The following ACTR3C variants were observed in gnomAD, a reference collection of about 807,000 sequenced individuals.
The protein encoded by ACTR3C is actin-related protein 3C.
ACTR3C carries 18 observed loss-of-function variants against 26.3 expected under a neutral mutation model. The ratio of observed to expected loss-of-function variants is 0.68; its 90% CI spans 0.47 to 1.01. ACTR3C has a LOEUF of 1.01. Among genes scored for constraint, ACTR3C ranks in the 50% least tolerant of loss-of-function variants. The pLI, the probability that ACTR3C is intolerant of heterozygous loss-of-function variation, is 0.00. For missense variants in ACTR3C, 184 were observed against 250.7 expected (o/e 0.73, Z 1.80); for synonymous variants, 55 against 94.5 (o/e 0.58, Z 2.42).
chr7:150,076,203 A>G, the ACTR3C span, among the ~76,000 whole-genome samples: 1 of 150,372 alleles, frequency 6.7e-6, no homozygotes, highest in Non-Finnish European at 1.5e-5. Flanking sequence ...TCCAATGAGT[A>G]TTGACATAAC....
At chr7:150,226,357 C>T in the ACTR3C span, among the ~76,000 whole-genome samples, 1 of 152,164 alleles carries the variant, frequency 6.6e-6, no homozygotes, top group African/African-American at 2.4e-5. Context: ...CCTCCCCAGT[C>T]GTTGGTATCT....
chr7:149,997,798 G>C, the ACTR3C span, among the ~76,000 whole-genome samples: 2 of 150,092 alleles, frequency 1.3e-5, no homozygotes, highest in South Asian at 4.3e-4. Flanking sequence ...AACAAATCCT[G>C]ATGTGATTGT....
At chr7:150,319,696 G>C (rs868171534) in intron 1 of ACTR3C, among the ~76,000 whole-genome samples, 9 of 152,270 alleles carry the variant, frequency 5.9e-5, no homozygotes, top group Middle Eastern at 3.4e-3. Context: ...CTCCAGTCTT[G>C]ACAATTACTC....
chr7:150,188,211 A>C, the ACTR3C span, among the ~76,000 whole-genome samples: 1 of 152,168 alleles, frequency 6.6e-6, no homozygotes, highest in Non-Finnish European at 1.5e-5. Context: ...GAAATAATAG[A>C]GTTTATAGCT....
chr7:150,320,977 T>G (rs1797452739), intron 1 of ACTR3C, among the ~76,000 whole-genome samples: 1 of 152,200 alleles, frequency 6.6e-6, no homozygotes, highest in Non-Finnish European at 1.5e-5. Flanking sequence ...ACTCTTTGAC[T>G]AAACTTGAGT....
At chr7:150,052,208 ATAT>A in the ACTR3C span, among the ~76,000 whole-genome samples, 1 of 150,598 alleles carries the variant, frequency 6.6e-6, no homozygotes, top group African/African-American at 2.4e-5. Context: ...AATAGAAGGC[ATAT>A]TCTCCACTCT....
rs539574979 is a variant in ACTR3C, at chr7:150,315,154, T to A, written c.-52+8315A>T. Reference sequence around the variant, plus strand: ...TAATAAATAATATTTATTATTATTTTAAAAATACATACAAGTGATGAAGTA... The same window carrying A: ...TAATAAATAATATTTATTATTATTTAAAAAATACATACAAGTGATGAAGTA... On this transcript the variant is annotated intron_variant, in intron 1 of 7. Coordinates refer to ENST00000683684, the MANE Select transcript of ACTR3C (RefSeq NM_001164458.2). 4.0e-3 allele frequency among the ~76,000 whole-genome samples: 590 copies of A among 148,772 alleles called. 6 individuals are homozygous for A. Among genetic ancestry groups the A allele is most frequent in the African/African-American group, 0.014 (566 of 40,976 alleles).
At chr7:149,888,136 C>T in the ACTR3C span, among the ~76,000 whole-genome samples, 1 of 152,216 alleles carries the variant, frequency 6.6e-6, no homozygotes, top group Admixed American at 6.5e-5. Context: ...TGTCATGCAG[C>T]ATTATTGCGG....
chr7:149,883,676 G>T, the ACTR3C span, among the ~76,000 whole-genome samples: 3 of 152,248 alleles, frequency 2.0e-5, no homozygotes, highest in African/African-American at 7.2e-5. Flanking sequence ...GCCGAGGTCA[G>T]AGATGGTGGC....
the ACTR3C span, among the ~76,000 whole-genome samples, chr7:150,076,075 G>A: frequency 0.011 from 1,712 of 152,146 alleles, 15 homozygotes; most frequent in Non-Finnish European, 0.016. Flanking sequence ...ATGGACATCT[G>A]ACTTCCAATT....
chr7:149,884,449 TTGTATG>T, the ACTR3C span, among the ~76,000 whole-genome samples: 2 of 152,210 alleles, frequency 1.3e-5, no homozygotes, highest in Non-Finnish European at 2.9e-5. Flanking sequence ...CAACAGTGTG[TTGTATG>T]CTGGAAATTG....
chr7:150,215,019 A>G, the ACTR3C span, among the ~76,000 whole-genome samples: 1 of 107,362 alleles, frequency 9.3e-6, no homozygotes, highest in Non-Finnish European at 1.8e-5. Context: ...CAAACACACA[A>G]AAAAAATGCA....
intron 6 of ACTR3C, among the ~76,000 whole-genome samples, chr7:150,251,901 T>C (rs1193652823): frequency 6.6e-6 from 1 of 152,080 alleles, no homozygotes; most frequent in Non-Finnish European, 1.5e-5. Flanking sequence ...TAGAAATAAA[T>C]ATAAAGCAAG....
intron 1 of ACTR3C, among the ~76,000 whole-genome samples, chr7:150,305,997 A>C (rs1795780747): frequency 6.6e-6 from 1 of 152,116 alleles, no homozygotes; most frequent in Non-Finnish European, 1.5e-5. Flanking sequence ...TTAAGGACAA[A>C]TACCTGAAGG....
At chr7:150,106,002 TTTA>T in the ACTR3C span, among the ~76,000 whole-genome samples, 1 of 152,142 alleles carries the variant, frequency 6.6e-6, no homozygotes. Context: ...AAATTAAAAT[TTTA>T]GGAGAAGCTT....
chr7:150,149,739 T>C, the ACTR3C span, among the ~76,000 whole-genome samples: 2 of 152,096 alleles, frequency 1.3e-5, no homozygotes, highest in Non-Finnish European at 2.9e-5. Context: ...TTAAATGCAA[T>C]ACAGTGACTT....
Position 150,298,405 on chromosome 7 carries a change from ACAC to A in ACTR3C, c.-51-3061_-51-3059del, listed in dbSNP as rs952985731. ...TAAATTAAGACCAAACATATCTGTC[ACAC>A]AGTAGCATGCCATACCAGTCCGATT... On this transcript the variant is annotated intron_variant, in intron 1 of 7. Transcript: ENST00000683684. Among the ~76,000 whole-genome samples, 46 of 150,870 alleles carry A rather than the reference ACAC, an allele frequency of 3.0e-4. 1 individual carries two copies. The highest frequency in any genetic ancestry group is 1.0e-3 in the African/African-American group (41 of 40,730).
At chr7:150,090,931 T>C in the ACTR3C span, among the ~76,000 whole-genome samples, 1 of 152,158 alleles carries the variant, frequency 6.6e-6, no homozygotes, top group East Asian at 1.9e-4. Flanking sequence ...TGAGGCAGAA[T>C]CTAGCTACTT....
chr7:149,931,880 C>T, the ACTR3C span, among the ~76,000 whole-genome samples: 6 of 152,290 alleles, frequency 3.9e-5, no homozygotes, highest in East Asian at 1.2e-3. Context: ...GATAAGGAAG[C>T]TCCAATATTT....
Sources: allele counts gnomAD v4.1 joint callset (sites outside exome capture counted in the v4.1 genomes callset), GRCh38; gene constraint gnomAD v4.1.1; transcripts MANE v1.5; gene names NCBI Gene and HGNC (gene_info 2026-07-23, HGNC 2026-07-21).